The following FAM174A variants were observed in gnomAD, a reference collection of about 807,000 sequenced individuals.
FAM174A encodes the protein membrane protein FAM174A.
A neutral mutation model predicts 14.3 loss-of-function variants in FAM174A; 14 were observed. The ratio of observed to expected loss-of-function variants is 0.98; its 90% CI spans 0.65 to 1.53. The LOEUF is 1.53. FAM174A is among the 40% of genes most tolerant of loss of function. The probability of loss-of-function intolerance (pLI) is 0.00; values close to 1 mark genes in which losing one functional copy is unlikely to be tolerated. For synonymous variants in FAM174A, 108 were observed against 111.4 expected, an observed-to-expected ratio of 0.97 and a Z score of 0.19; for missense variants, 241 against 249.6, an observed-to-expected ratio of 0.97 and a Z score of 0.23.
intron 1 of FAM174A, among the ~76,000 whole-genome samples, chr5:100,559,593 C>T (rs958522622): frequency 1.3e-5 from 2 of 152,054 alleles, no homozygotes; most frequent in African/African-American, 4.8e-5. Context: ...ACCAATCAGA[C>T]GTAGAGTTGG....
At chr5:100,573,466 C>T (rs185049009) in intron 2 of FAM174A, among the ~76,000 whole-genome samples, 11 of 152,180 alleles carry the variant, frequency 7.2e-5, no homozygotes, top group African/African-American at 2.4e-4. Flanking sequence ...CAGCTTTCTA[C>T]ATATGGCTAG....
intron 2 of FAM174A, among the ~76,000 whole-genome samples, chr5:100,564,605 G>T (rs113510374): frequency 6.6e-6 from 1 of 151,550 alleles, no homozygotes; most frequent in Non-Finnish European, 1.5e-5. Flanking sequence ...AAGATTTTGC[G>T]TATAGAAAAG....
chr5:100,541,517 G>C (rs1746052451), intron 1 of FAM174A, among the ~76,000 whole-genome samples: 1 of 151,860 alleles, frequency 6.6e-6, no homozygotes, highest in South Asian at 2.1e-4. Flanking sequence ...GAGAAGTATT[G>C]GATGAGAGCT....
At position 100,543,550 on chromosome 5, in the gene FAM174A, C is replaced by A. The variant is rs80111636; in HGVS notation, c.434+7586C>A. Among the ~76,000 whole-genome samples, 1,245 of 152,238 alleles carry A rather than the reference C, an allele frequency of 8.2e-3. 15 individuals are homozygous for A. The highest frequency in any genetic ancestry group is 0.028 in the African/African-American group (1,184 of 41,544). ...ACAATTCTATGGCATTTCATGGGAT[C>A]AATGTTCATACTCTTTAGTATTTAA... On this transcript the variant is annotated intron_variant, in intron 1 of 2. Coordinates refer to ENST00000312637, the MANE Select transcript of FAM174A (RefSeq NM_198507.3).
chr5:100,574,340 A>AC (rs1746858104), intron 2 of FAM174A, among the ~76,000 whole-genome samples: 1 of 151,816 alleles, frequency 6.6e-6, no homozygotes, highest in Admixed American at 6.6e-5. Flanking sequence ...AGATGTGCCC[A>AC]CCAAGCCTGG....
At chr5:100,573,286 G>A (rs1746833483) in intron 2 of FAM174A, among the ~76,000 whole-genome samples, 3 of 151,940 alleles carry the variant, frequency 2.0e-5, no homozygotes, top group Admixed American at 2.0e-4. Flanking sequence ...TTTGTCTTTT[G>A]TTGCCATTGC....
rs183114159 is a variant in FAM174A at position 100,558,233 on chromosome 5, T to C, written c.435-3821T>C. Among the ~76,000 whole-genome samples the C allele has an allele frequency of 1.5e-3, 224 of 152,318 alleles. 2 individuals are homozygous for C. Among genetic ancestry groups the C allele is most frequent in the African/African-American group, 5.2e-3 (217 of 41,576 alleles). On this transcript the variant is annotated intron_variant, in intron 1 of 2. Coordinates refer to ENST00000312637, the MANE Select transcript of FAM174A (RefSeq NM_198507.3). ...TCAGGAGCAGGTTGTTCAGTTTCCA[T>C]GTAGTTGAGTGGTTTTGAGTGAGTT...
chr5:100,578,388 T>G (rs1336659660), intron 2 of FAM174A, among the ~76,000 whole-genome samples: 1 of 152,124 alleles, frequency 6.6e-6, no homozygotes, highest in African/African-American at 2.4e-5. Context: ...TCTTTCTCAG[T>G]TTTTGGTCTC....
intron 1 of FAM174A, among the ~76,000 whole-genome samples, chr5:100,559,482 C>A (rs1746477167): frequency 6.6e-6 from 1 of 151,970 alleles, no homozygotes; most frequent in African/African-American, 2.4e-5. Flanking sequence ...TGAATGTTGG[C>A]CTGCCTTGCT....
rs374437350 is a variant in FAM174A, at chr5:100,583,213, G to A, written c.570-2968G>A. On this transcript the variant is annotated intron_variant, in intron 2 of 2. Coordinates refer to ENST00000312637, the MANE Select transcript of FAM174A (RefSeq NM_198507.3). ...TGAAGAGAAGGAGGAAGGAGGGGCC[G>A]ATCTTGCTGTCTCAGGGGTGGTAGA... Among the ~76,000 whole-genome samples the A allele has an allele frequency of 1.6e-4, 25 of 152,236 alleles. No individual in the cohort carries two copies. In the East Asian group the frequency reaches 2.1e-3, roughly 13 times the overall value.
intron 1 of FAM174A, among the ~76,000 whole-genome samples, chr5:100,542,579 T>A (rs1746079311): frequency 1.3e-5 from 2 of 152,228 alleles, no homozygotes. Context: ...TCAATTTACC[T>A]TCAACACTGA....
chr5:100,544,433 G>GAT (rs1561312538), intron 1 of FAM174A, among the ~76,000 whole-genome samples: 1 of 151,462 alleles, frequency 6.6e-6, no homozygotes, highest in Non-Finnish European at 1.5e-5. Context: ...GAGAGAGAGA[G>GAT]ATCGAGAGAC....
rs770704958 is a variant in FAM174A at position 100,535,653 on chromosome 5, A to T, written c.123A>T (p.Pro41=). ...AVLLQAAEAA[P]GLGPPDPRPR... ...TGCTGCAGGCAGCCGAGGCCGCGCCAGGTCTTGGGCCTCCTGACCCTAGAC... is the reference window on the plus strand; with the variant it reads ...TGCTGCAGGCAGCCGAGGCCGCGCCTGGTCTTGGGCCTCCTGACCCTAGAC... Residue 41 remains proline (P), a synonymous_variant, in exon 1 of 3, where the codon CCA becomes CCT. Coordinates refer to ENST00000312637, the MANE Select transcript of FAM174A (RefSeq NM_198507.3). 14 of 1,612,756 alleles carry T rather than the reference A, an allele frequency of 8.7e-6. No individual in the cohort carries two copies. The highest frequency in any genetic ancestry group is 2.5e-6 in the Non-Finnish European group (3 of 1,179,892).
chr5:100,579,315 C>T (rs1024624066), intron 2 of FAM174A, among the ~76,000 whole-genome samples: 4 of 152,120 alleles, frequency 2.6e-5, no homozygotes, highest in African/African-American at 9.7e-5. Context: ...GATCCAAGTT[C>T]TGTGGAGACA....
chr5:100,550,913 G>T (rs1746249890), intron 1 of FAM174A, among the ~76,000 whole-genome samples: 1 of 152,124 alleles, frequency 6.6e-6, no homozygotes, highest in Non-Finnish European at 1.5e-5. Flanking sequence ...GGAGTGGAAT[G>T]TGGAGCAAAG....
At chr5:100,539,756 T>C (rs1746013634) in intron 1 of FAM174A, among the ~76,000 whole-genome samples, 1 of 152,200 alleles carries the variant, frequency 6.6e-6, no homozygotes, top group Non-Finnish European at 1.5e-5. Context: ...CTGTGATCAT[T>C]TAAAGTAACC....
chr5:100,548,781 C>T (rs928868954), intron 1 of FAM174A, among the ~76,000 whole-genome samples: 10 of 152,248 alleles, frequency 6.6e-5, no homozygotes, highest in African/African-American at 2.4e-4. Flanking sequence ...CGCAGAACAT[C>T]AGCTCTTCAT....
intron 1 of FAM174A, among the ~76,000 whole-genome samples, chr5:100,549,767 G>GT (rs1308186581): frequency 1.3e-5 from 2 of 151,966 alleles, no homozygotes; most frequent in South Asian, 2.1e-4. Context: ...AATAGAGAGG[G>GT]TTTTTTTAAA....
At chr5:100,549,765 G>A (rs980683911) in intron 1 of FAM174A, among the ~76,000 whole-genome samples, 1 of 151,846 alleles carries the variant, frequency 6.6e-6, no homozygotes, top group African/African-American at 2.4e-5. Context: ...CTAATAGAGA[G>A]GGTTTTTTTA....
Sources: gnomAD v4.1 joint callset for allele counts (sites outside exome capture counted in the v4.1 genomes callset) on GRCh38, gnomAD v4.1.1 for gene constraint, MANE v1.5 for transcripts, NCBI Gene and HGNC (gene_info 2026-07-23, HGNC 2026-07-21) for gene names.